ZNF710: variants seen among roughly 807,000 people sequenced by gnomAD.
ZNF710 encodes zinc finger protein 710.
ZNF710 carries 13 observed loss-of-function variants against 50.6 expected under a neutral mutation model. That is an observed-to-expected ratio of 0.26 (90% CI 0.17 to 0.41). ZNF710 has a LOEUF of 0.41. Ranked by LOEUF, ZNF710 falls within the 10% of genes least tolerant of loss-of-function variation. The probability of loss-of-function intolerance (pLI) is 1.00; values close to 1 mark genes in which losing one functional copy is unlikely to be tolerated. For synonymous variants in ZNF710, 383 were observed against 397.0 expected (o/e 0.96, Z 0.42); for missense variants, 721 against 936.6 (o/e 0.77, Z 3.01).
intron 1 of ZNF710, among the ~76,000 whole-genome samples, chr15:90,061,485 T>C (rs1452639430): frequency 1.3e-5 from 2 of 152,140 alleles, no homozygotes; most frequent in African/African-American, 2.4e-5. Context: ...AGTTGGTGTT[T>C]GAGATCTCCC....
intron 1 of ZNF710, among the ~76,000 whole-genome samples, chr15:90,053,272 A>T (rs1189127843): frequency 5.3e-5 from 8 of 151,914 alleles, no homozygotes; most frequent in Admixed American, 5.2e-4. Flanking sequence ...TGTCTCATTC[A>T]CACAAGGCAA....
At chr15:90,050,814 A>T (rs946636662) in intron 1 of ZNF710, among the ~76,000 whole-genome samples, 1 of 151,478 alleles carries the variant, frequency 6.6e-6, no homozygotes, top group Non-Finnish European at 1.5e-5. Context: ...TTCCTATGTG[A>T]TATTTTCCAC....
chr15:90,049,231 C>A (rs893296618), intron 1 of ZNF710, among the ~76,000 whole-genome samples: 1 of 152,180 alleles, frequency 6.6e-6, no homozygotes, highest in African/African-American at 2.4e-5. Context: ...CTGTTATCCC[C>A]ATTTTGCAGT....
At chr15:90,054,573 A>AC (rs1899751407) in intron 1 of ZNF710, among the ~76,000 whole-genome samples, 1 of 151,776 alleles carries the variant, frequency 6.6e-6, no homozygotes, top group Non-Finnish European at 1.5e-5. Context: ...TGGAAATGGT[A>AC]CCCCCCATCC....
At chr15:89,998,341 C>G (rs190031400), upstream of ZNF710, among the ~76,000 whole-genome samples, 1 of 152,276 alleles carries the variant, frequency 6.6e-6, no homozygotes, top group African/African-American at 2.4e-5. Flanking sequence ...TTCATGAGGC[C>G]CATCCTCTCC....
At chr15:90,057,845 G>A (rs1270306562) in intron 1 of ZNF710, among the ~76,000 whole-genome samples, 12 of 152,076 alleles carry the variant, frequency 7.9e-5, no homozygotes, top group African/African-American at 2.4e-5. Flanking sequence ...CTGATCAAAC[G>A]ATACCAGTTC....
intron 1 of ZNF710, among the ~76,000 whole-genome samples, chr15:90,047,115 G>A (rs969115837): frequency 6.6e-6 from 1 of 151,890 alleles, no homozygotes; most frequent in Admixed American, 6.6e-5. Context: ...TTCTGGGGGT[G>A]GGTGGGGACA....
chr15:90,007,680 C>T (rs1389728847), intron 1 of ZNF710, among the ~76,000 whole-genome samples: 2 of 150,636 alleles, frequency 1.3e-5, no homozygotes, highest in East Asian at 3.9e-4. Context: ...TCTAGTAAGC[C>T]TCAGAGCCAG....
chr15:90,080,775 G>C lies in ZNF710; in HGVS notation c.*946G>C, dbSNP rs540767484. The C allele has an allele frequency of 6.6e-6, 1 of 152,180 alleles. No homozygotes were observed. The highest frequency in any genetic ancestry group is 1.9e-4 in the East Asian group (1 of 5,190). The allele number at this position is 152,180 out of a possible 1,614,324, so 9.4% of individuals were successfully genotyped here. A position where few individuals can be genotyped will look rare whatever the true frequency, so the allele number is the denominator to read the frequency against. On this transcript the variant is annotated 3_prime_UTR_variant, in exon 5 of 5. Transcript: ENST00000268154. Reference sequence around the variant, plus strand: ...GATAGCCACGAGTCAGCAGCTTCCCGGAAAGAGCAACGTATTTTAAAAAGG... The same window carrying C: ...GATAGCCACGAGTCAGCAGCTTCCCCGAAAGAGCAACGTATTTTAAAAAGG...
chr15:90,038,676 C>T (rs556164970), intron 1 of ZNF710, among the ~76,000 whole-genome samples: 1 of 150,374 alleles, frequency 6.7e-6, no homozygotes, highest in Non-Finnish European at 1.5e-5. Context: ...CGTTTCTTTA[C>T]CTTCTTTTAA....
chr15:90,040,886 C>A lies in ZNF710; in HGVS notation c.-28-26224C>A, dbSNP rs1358443530. On this transcript the variant is annotated intron_variant, in intron 1 of 4. Transcript: ENST00000268154. The surrounding 1 kb of genome is among the most constrained non-coding windows in gnomAD (Gnocchi z 4.6). ...CAAGTGAGGACTTATCTCTCCACCA[C>A]CCTATCATTCCTCCTCCTCCTCTCT... 1.3e-5 allele frequency among the ~76,000 whole-genome samples: 2 copies of A among 152,338 alleles called. No homozygotes were observed. The highest frequency in any genetic ancestry group is 3.4e-3 in the Middle Eastern group (1 of 294).
At chr15:90,009,612 C>T (rs1045088070) in intron 1 of ZNF710, among the ~76,000 whole-genome samples, 1 of 152,108 alleles carries the variant, frequency 6.6e-6, no homozygotes, top group Non-Finnish European at 1.5e-5. Context: ...CCTCTGTGTC[C>T]TGCCCTGGCT....
chr15:90,018,425 C>T (rs188236550), intron 1 of ZNF710, among the ~76,000 whole-genome samples: 2 of 152,278 alleles, frequency 1.3e-5, no homozygotes, highest in African/African-American at 4.8e-5. Context: ...ACCGTGGCCT[C>T]CCAAAGTGCT....
At chr15:90,077,928 C>G (rs968026121) in intron 4 of ZNF710, among the ~76,000 whole-genome samples, 6 of 151,018 alleles carry the variant, frequency 4.0e-5, no homozygotes, top group African/African-American at 1.5e-4. Flanking sequence ...AGAAATGGGG[C>G]CAGGCGCAGT....
chr15:90,029,586 G>T (rs1286450077), intron 1 of ZNF710, among the ~76,000 whole-genome samples: 1 of 152,134 alleles, frequency 6.6e-6, no homozygotes, highest in African/African-American at 2.4e-5. Flanking sequence ...GGGAAAGGTA[G>T]CAAGACCCAG....
intron 1 of ZNF710, among the ~76,000 whole-genome samples, chr15:90,031,018 C>CAAAAA (rs372425290): frequency 0.089 from 7,787 of 87,972 alleles, 1,700 homozygotes; most frequent in Non-Finnish European, 0.11. Context: ...GACTCCGTCT[C>CAAAAA]AAAAAAAAAG....
intron 4 of ZNF710, among the ~76,000 whole-genome samples, chr15:90,077,310 C>T (rs961729836): frequency 7.2e-6 from 1 of 138,680 alleles, no homozygotes; most frequent in Non-Finnish European, 1.5e-5. Context: ...GTGGCGCGAT[C>T]TCGGCTCACT....
At chr15:90,039,705 C>G (rs1899240153) in intron 1 of ZNF710, among the ~76,000 whole-genome samples, 1 of 152,182 alleles carries the variant, frequency 6.6e-6, no homozygotes, top group Non-Finnish European at 1.5e-5. Flanking sequence ...CATTTTCAGC[C>G]TGCACCCTAG....
At chr15:90,044,927 G>A (rs1899413695) in intron 1 of ZNF710, among the ~76,000 whole-genome samples, 1 of 152,116 alleles carries the variant, frequency 6.6e-6, no homozygotes, top group African/African-American at 2.4e-5. Context: ...GTTTATACCT[G>A]TGTAGGCCAA....
Sources: allele counts gnomAD v4.1 joint callset (sites outside exome capture counted in the v4.1 genomes callset), GRCh38; gene constraint gnomAD v4.1.1; non-coding constraint Gnocchi (gnomAD v3.1); transcripts MANE v1.5; gene names NCBI Gene and HGNC (gene_info 2026-07-23, HGNC 2026-07-21).